The following CFDP1 variants were observed in gnomAD, a reference collection of about 807,000 sequenced individuals.
CFDP1 encodes chromatin remodeling protein CFDP1, also known as heterochromatin-stabilizing protein CFDP1.
A neutral mutation model predicts 40.1 loss-of-function variants in CFDP1; 31 were observed. The ratio of observed to expected loss-of-function variants is 0.77; its 90% CI spans 0.58 to 1.04. CFDP1 has a LOEUF of 1.04. Ranked by LOEUF, CFDP1 falls within the 50% of genes least tolerant of loss-of-function variation. The pLI is 0.00. For missense variants in CFDP1, 423 were observed against 343.4 expected (o/e 1.23, Z -1.83); for synonymous variants, 167 against 120.0 (o/e 1.39, Z -2.56).
intron 5 of CFDP1, among the ~76,000 whole-genome samples, chr16:75,308,282 C>A (rs1468231417): frequency 6.6e-6 from 1 of 151,574 alleles, no homozygotes; most frequent in Non-Finnish European, 1.5e-5. Context: ...ATCAAGCCCT[C>A]GTGGCCTTGG....
intron 5 of CFDP1, among the ~76,000 whole-genome samples, chr16:75,367,972 G>A (rs1303644828): frequency 6.6e-6 from 1 of 151,998 alleles, no homozygotes; most frequent in East Asian, 1.9e-4. Flanking sequence ...GGATGTGGTG[G>A]TGGACACCTG....
chr16:75,426,727 G>C (rs932236569), intron 1 of CFDP1, among the ~76,000 whole-genome samples: 18 of 152,020 alleles, frequency 1.2e-4, no homozygotes, highest in African/African-American at 3.6e-4. Flanking sequence ...AGAATGAAAA[G>C]ACAAGCACAG....
intron 6 of CFDP1, among the ~76,000 whole-genome samples, chr16:75,297,864 G>A (rs983518452): frequency 6.6e-6 from 1 of 152,182 alleles, no homozygotes; most frequent in African/African-American, 2.4e-5. Context: ...AAAAGGGAGG[G>A]AGAAATGGAA....
intron 5 of CFDP1, among the ~76,000 whole-genome samples, chr16:75,368,944 T>C (rs1159673264): frequency 6.6e-6 from 1 of 152,240 alleles, no homozygotes; most frequent in East Asian, 1.9e-4. Flanking sequence ...CTTTCCTTTT[T>C]ACATTTTTCA....
rs148194608 is a variant in CFDP1 at position 75,341,590 on chromosome 16, T to C, written c.651-36408A>G. 6.5e-3 allele frequency among the ~76,000 whole-genome samples: 985 copies of C among 151,990 alleles called. 8 individuals are homozygous for C. The highest frequency in any genetic ancestry group is 0.017 in the Middle Eastern group (5 of 294). On this transcript the variant is annotated intron_variant, in intron 5 of 6. Coordinates refer to ENST00000283882, the MANE Select transcript of CFDP1 (RefSeq NM_006324.3). ...GAGGGGATTATAAATGCAACTCCTA[T>C]GTCTGGCATTGCTCTGGCAATTTGG...
chr16:75,385,211 G>A (rs543408867), intron 5 of CFDP1, among the ~76,000 whole-genome samples: 14 of 151,962 alleles, frequency 9.2e-5, no homozygotes, highest in South Asian at 2.1e-4. Flanking sequence ...AGTAACTGAC[G>A]TAAGTATGAA....
At chr16:75,420,527 G>A (rs532070690) in intron 1 of CFDP1, among the ~76,000 whole-genome samples, 2 of 152,322 alleles carry the variant, frequency 1.3e-5, no homozygotes, top group East Asian at 3.8e-4. Flanking sequence ...TTATAGAAAG[G>A]GGAGTGTGCT....
In CFDP1 at chr16:75,294,058, A is replaced by T; in HGVS notation, c.810-16T>A. On this transcript the variant is annotated splice_polypyrimidine_tract_variant and intron_variant, in intron 6 of 6. Coordinates refer to ENST00000283882, the MANE Select transcript of CFDP1 (RefSeq NM_006324.3). The stretch of plus-strand genomic sequence containing the variant: ...TTCAATGTACCTAGAAGATGAAAAC[A>T]GTGTTTGTCAGTAGAATCCAGTAGG... The T allele has an allele frequency of 6.3e-7, 1 of 1,591,978 alleles. No individual in the cohort carries two copies.
intron 5 of CFDP1, among the ~76,000 whole-genome samples, chr16:75,386,019 G>C (rs1458813246): frequency 1.3e-5 from 2 of 152,034 alleles, no homozygotes; most frequent in Non-Finnish European, 2.9e-5. Context: ...AAGGGTATAG[G>C]AATACGGCAA....
At chr16:75,324,510 G>C (rs767529087) in intron 5 of CFDP1, among the ~76,000 whole-genome samples, 1 of 152,114 alleles carries the variant, frequency 6.6e-6, no homozygotes, top group African/African-American at 2.4e-5. Context: ...AGGAGGTCGA[G>C]GTAGGTGGGT....
intron 6 of CFDP1, among the ~76,000 whole-genome samples, chr16:75,298,278 C>CGGT (rs2078198067): frequency 6.6e-6 from 1 of 152,136 alleles, no homozygotes; most frequent in Non-Finnish European, 1.5e-5. Context: ...GATATTCAAC[C>CGGT]TGTATCTGGG....
At chr16:75,304,581 T>C (rs571042490) in intron 6 of CFDP1, among the ~76,000 whole-genome samples, 2 of 152,238 alleles carry the variant, frequency 1.3e-5, no homozygotes, top group Admixed American at 6.5e-5. Context: ...CAGGCCATAA[T>C]GACACAGACA....
At chr16:75,425,241 G>A (rs1241396187) in intron 1 of CFDP1, among the ~76,000 whole-genome samples, 4 of 151,818 alleles carry the variant, frequency 2.6e-5, no homozygotes, top group African/African-American at 7.3e-5. Flanking sequence ...GCATATGGTG[G>A]CCAGGCCTGG....
chr16:75,296,124 T>A (rs1432230876), intron 6 of CFDP1, among the ~76,000 whole-genome samples: 1 of 152,226 alleles, frequency 6.6e-6, no homozygotes, highest in Non-Finnish European at 1.5e-5. Context: ...GTTGTTCACC[T>A]GGGGGTGTAA....
intron 1 of CFDP1, among the ~76,000 whole-genome samples, chr16:75,428,763 G>A (rs902331521): frequency 2.0e-5 from 3 of 152,120 alleles, no homozygotes; most frequent in African/African-American, 7.2e-5. Context: ...AAAGTTCTCA[G>A]AAGGCTCAGC....
At chr16:75,305,900 G>A (rs923934953) in intron 5 of CFDP1, among the ~76,000 whole-genome samples, 11 of 152,222 alleles carry the variant, frequency 7.2e-5, no homozygotes, top group Non-Finnish European at 1.2e-4. Context: ...TGTACAGCCT[G>A]TGCTCCACTT....
intron 6 of CFDP1, among the ~76,000 whole-genome samples, chr16:75,295,165 T>C (rs2078173886): frequency 6.6e-6 from 1 of 152,260 alleles, no homozygotes; most frequent in Admixed American, 6.5e-5. Flanking sequence ...GAAACCTGTG[T>C]TCCCCTGCTG....
chr16:75,335,707 C>T (rs867656676), intron 5 of CFDP1, among the ~76,000 whole-genome samples: 4 of 152,074 alleles, frequency 2.6e-5, no homozygotes, highest in African/African-American at 9.7e-5. Context: ...CAGGCGCCCG[C>T]CACCATGCCC....
chr16:75,410,217 GTCTAA>G (rs916617096), intron 4 of CFDP1, among the ~76,000 whole-genome samples: 5 of 151,782 alleles, frequency 3.3e-5, no homozygotes, highest in African/African-American at 7.3e-5. Flanking sequence ...GAGCCTACAG[GTCTAA>G]TTAATTACTG....
Sources: allele counts gnomAD v4.1 joint callset (sites outside exome capture counted in the v4.1 genomes callset), GRCh38; gene constraint gnomAD v4.1.1; transcripts MANE v1.5; gene names NCBI Gene and HGNC (gene_info 2026-07-23, HGNC 2026-07-21).